RCOR3: variants seen among roughly 807,000 people sequenced by gnomAD.
RCOR3 encodes the protein REST corepressor 3.
In RCOR3, 13 loss-of-function variants were observed where a neutral mutation model predicts 64.1. The ratio of observed to expected loss-of-function variants is 0.20; its 90% CI spans 0.13 to 0.32. The LOEUF (loss-of-function observed/expected upper bound fraction) is 0.32. Ranked by LOEUF, RCOR3 falls within the 10% of genes least tolerant of loss-of-function variation. RCOR3 has a pLI of 1.00. For synonymous variants in RCOR3, 215 were observed against 239.0 expected (o/e 0.90, Z 0.93); for missense variants, 489 against 701.2 (o/e 0.70, Z 3.42).
intron 9 of RCOR3, among the ~76,000 whole-genome samples, chr1:211,296,393 T>G (rs1699866176): frequency 6.6e-6 from 1 of 152,160 alleles, no homozygotes; most frequent in Admixed American, 6.5e-5. Flanking sequence ...ATTATATCTT[T>G]TTTCTCTCTT....
intron 2 of RCOR3, among the ~76,000 whole-genome samples, chr1:211,265,464 T>C (rs1041843362): frequency 2.0e-5 from 3 of 152,212 alleles, no homozygotes; most frequent in Non-Finnish European, 1.5e-5. Context: ...ACGCCTGTAA[T>C]CCTGGCACTT....
At chr1:211,278,064 A>C (rs1697262110) in intron 5 of RCOR3, 53 bp from the exon 6 acceptor site, 1 of 1,459,446 alleles carries the variant, frequency 6.9e-7, no homozygotes, top group Admixed American at 2.2e-5. Context: ...CATCAAAATT[A>C]TTCATTTTGT....
Position 211,305,610 on chromosome 1 carries a change from A to G in RCOR3, c.1075+1470A>G, listed in dbSNP as rs971315003. Among the ~76,000 whole-genome samples, 5 of 152,252 alleles carry G rather than the reference A, an allele frequency of 3.3e-5. No individual in the cohort carries two copies. The Middle Eastern group carries it at 0.014, about 414-fold the overall frequency. ...TTAAAGATTAGTATATTAACTCTGT[A>G]TTTTTAAGAAATTTTCCCAGTGAAA... On this transcript the variant is annotated intron_variant, in intron 10 of 11. Coordinates refer to ENST00000419091, the MANE Select transcript of RCOR3 (RefSeq NM_001136223.3).
At chr1:211,280,310 A>G (rs1320933619) in intron 7 of RCOR3, among the ~76,000 whole-genome samples, 1 of 152,220 alleles carries the variant, frequency 6.6e-6, no homozygotes, top group Non-Finnish European at 1.5e-5. Flanking sequence ...CTGTGCTACC[A>G]TACTGGCCTT....
intron 8 of RCOR3, among the ~76,000 whole-genome samples, chr1:211,293,342 A>G (rs760499194): frequency 3.3e-5 from 5 of 152,110 alleles, no homozygotes; most frequent in Non-Finnish European, 7.4e-5. Flanking sequence ...TTGCTTAAAA[A>G]TCCTTTAGGT....
chr1:211,286,312 C>CT (rs11306768), intron 7 of RCOR3, among the ~76,000 whole-genome samples: 6 of 122,968 alleles, frequency 4.9e-5, no homozygotes, highest in African/African-American at 8.9e-5. Flanking sequence ...TATTTCTTTT[C>CT]TTTTTTTTTT....
At chr1:211,281,112 G>T (rs1697747944) in intron 7 of RCOR3, among the ~76,000 whole-genome samples, 1 of 151,946 alleles carries the variant, frequency 6.6e-6, no homozygotes, top group Admixed American at 6.6e-5. Context: ...TGAAACTGCT[G>T]ACAGGTTACC....
chr1:211,304,197 G>A, intron 10 of RCOR3, 57 bp downstream of exon 10: 1 of 1,266,608 alleles, frequency 7.9e-7, no homozygotes, highest in Non-Finnish European at 1.1e-6. Flanking sequence ...GTCATGAAAG[G>A]TGACTACTCT....
intron 5 of RCOR3, among the ~76,000 whole-genome samples, chr1:211,277,823 T>C (rs1306521131): frequency 2.6e-5 from 4 of 152,192 alleles, no homozygotes; most frequent in Admixed American, 6.5e-5. Context: ...TTATGTGAAT[T>C]ACATATATTG....
At chr1:211,281,050 A>G (rs1697738322) in intron 7 of RCOR3, among the ~76,000 whole-genome samples, 1 of 151,376 alleles carries the variant, frequency 6.6e-6, no homozygotes, top group African/African-American at 2.4e-5. Context: ...TCTTAGCACT[A>G]CGTCACTTTT....
Position 211,259,638 on chromosome 1 carries a change from A to AGGC in RCOR3, c.88_90dup (p.Gly30dup), listed in dbSNP as rs990859073. On this transcript the variant is annotated inframe_insertion, in exon 1 of 12. Coordinates refer to ENST00000419091, the MANE Select transcript of RCOR3 (RefSeq NM_001136223.3). ...CCAACGGCAGCGCCAAGAGCCCGGC[A>AGGC]GGCGGCGGCGGCAGCGGCGCCTCGT... The AGGC allele has an allele frequency of 7.7e-5, 119 of 1,546,028 alleles. No homozygotes were observed. The highest frequency in any genetic ancestry group is 1.2e-4 in the Admixed American group (6 of 50,720).
intron 10 of RCOR3, among the ~76,000 whole-genome samples, chr1:211,310,894 T>A (rs1701410984): frequency 6.6e-6 from 1 of 152,198 alleles, no homozygotes; most frequent in Admixed American, 6.5e-5. Context: ...ATTCAGTAGG[T>A]TTGGCCATTG....
intron 7 of RCOR3, among the ~76,000 whole-genome samples, chr1:211,285,195 G>A (rs1006181851): frequency 1.3e-5 from 2 of 152,034 alleles, no homozygotes; most frequent in Non-Finnish European, 2.9e-5. Context: ...TGCTGAACTG[G>A]TTAGTATCAC....
chr1:211,260,895 C>T (rs1694139786), intron 2 of RCOR3: 1 of 152,452 alleles, frequency 6.6e-6, no homozygotes, highest in Admixed American at 6.5e-5. Flanking sequence ...GCCAACCCAG[C>T]TTGCGGGCTC....
rs1475110993 is a variant in RCOR3, at chr1:211,259,745, T to G, written c.166+19T>G. 1.0e-5 allele frequency: 15 copies of G among 1,438,950 alleles called. No homozygotes were observed. Among genetic ancestry groups the G allele is most frequent in the East Asian group, 2.7e-5 (1 of 37,038 alleles). 89.1% of individuals were successfully genotyped at this position (1,438,950 alleles called of 1,614,324 possible). A position where few individuals can be genotyped will look rare whatever the true frequency, so the allele number is the denominator to read the frequency against. On this transcript the variant is annotated intron_variant, in intron 1 of 11. Coordinates refer to ENST00000419091, the MANE Select transcript of RCOR3 (RefSeq NM_001136223.3). ...GAGCACGGTGGTAGCCTCGAACTCC[T>G]CCCCGCCAGCCCGCCTGCCCCCCTC...
intron 10 of RCOR3, among the ~76,000 whole-genome samples, chr1:211,305,780 A>T (rs565334413): frequency 6.6e-6 from 1 of 152,344 alleles, no homozygotes; most frequent in Admixed American, 6.5e-5. Flanking sequence ...CCAAAGCTGC[A>T]TTCAAAGGAA....
chr1:211,278,597 T>C (rs947910235), intron 6 of RCOR3, among the ~76,000 whole-genome samples: 4 of 152,212 alleles, frequency 2.6e-5, no homozygotes, highest in Admixed American at 2.0e-4. Context: ...TTTTGTTTCA[T>C]TTTTGTCTGT....
intron 10 of RCOR3, among the ~76,000 whole-genome samples, chr1:211,305,388 T>A (rs1700756441): frequency 6.6e-6 from 1 of 152,220 alleles, no homozygotes; most frequent in Non-Finnish European, 1.5e-5. Context: ...GTTTTTAAAT[T>A]AGACTCTGCT....
chr1:211,277,102 A>G (rs1261163567), intron 5 of RCOR3, among the ~76,000 whole-genome samples: 1 of 151,384 alleles, frequency 6.6e-6, no homozygotes, highest in African/African-American at 2.4e-5. Context: ...AAAAACAAAA[A>G]AAACAAAAAA....
Sources: gnomAD v4.1 joint callset for allele counts (sites outside exome capture counted in the v4.1 genomes callset) on GRCh38, gnomAD v4.1.1 for gene constraint, MANE v1.5 for transcripts, NCBI Gene and HGNC (gene_info 2026-07-23, HGNC 2026-07-21) for gene names.